DAB2IP: variants seen among roughly 807,000 people sequenced by gnomAD.
DAB2IP encodes disabled homolog 2-interacting protein.
In DAB2IP, 28 loss-of-function variants were observed where a neutral mutation model predicts 107.2. That is an observed-to-expected ratio of 0.26 (90% confidence interval 0.19 to 0.36). DAB2IP has a LOEUF of 0.36. Ranked by LOEUF, DAB2IP falls within the 10% of genes least tolerant of loss-of-function variation. The pLI is 1.00. For missense variants in DAB2IP, 1,400 were observed against 1,644.7 expected (o/e 0.85, Z 2.57); for synonymous variants, 755 against 706.4 (o/e 1.07, Z -1.09).
intron 5 of DAB2IP, among the ~76,000 whole-genome samples, chr9:121,759,437 C>A (rs1833727780): frequency 6.6e-6 from 1 of 152,224 alleles, no homozygotes; most frequent in African/African-American, 2.4e-5. Context: ...CCACTGTAAT[C>A]CCTGCTTCTG....
chr9:121,589,504 C>T (rs549438966), intron 1 of DAB2IP, among the ~76,000 whole-genome samples: 1 of 152,124 alleles, frequency 6.6e-6, no homozygotes, highest in African/African-American at 2.4e-5. Context: ...CCATTCCTGC[C>T]CCGCTCCCAA....
At chr9:121,742,212 G>T (rs1004489704) in intron 3 of DAB2IP, among the ~76,000 whole-genome samples, 5 of 152,162 alleles carry the variant, frequency 3.3e-5, no homozygotes, top group Admixed American at 1.3e-4. Flanking sequence ...TGGATCACCT[G>T]AGGTCAGGAA....
intron 2 of DAB2IP, among the ~76,000 whole-genome samples, chr9:121,683,103 C>T (rs936164185): frequency 1.2e-4 from 19 of 152,268 alleles, no homozygotes; most frequent in Admixed American, 3.9e-4. Context: ...GGAAGGGTGG[C>T]AGGCAGCAAG....
At chr9:121,580,649 G>A (rs1035924942) in intron 1 of DAB2IP, among the ~76,000 whole-genome samples, 4 of 151,794 alleles carry the variant, frequency 2.6e-5, no homozygotes, top group African/African-American at 9.7e-5. Flanking sequence ...TTCTGAGATG[G>A]AGTCTCGCTC....
chr9:121,618,361 AT>A lies in DAB2IP; in HGVS notation c.40+51134del, dbSNP rs531838670. 5.4e-3 allele frequency among the ~76,000 whole-genome samples: 810 copies of A among 151,382 alleles called. 5 individuals carry two copies. Among genetic ancestry groups the A allele is most frequent in the Non-Finnish European group, 9.4e-3 (634 of 67,632 alleles). On this transcript the variant is annotated intron_variant, in intron 1 of 16. Coordinates refer to the DAB2IP transcript ENST00000259371. The stretch of plus-strand genomic sequence containing the variant: ...GTGCATGTCATGAATGGTAAATTCA[AT>A]GGATTTTTTTTTTTTTGAGGCAGAG...
chr9:121,640,216 G>T (rs1443283252), intron 1 of DAB2IP, among the ~76,000 whole-genome samples: 1 of 152,144 alleles, frequency 6.6e-6, no homozygotes, highest in Non-Finnish European at 1.5e-5. Flanking sequence ...AGGGGGCAGC[G>T]CAGATCAGCA....
At chr9:121,668,771 G>C (rs187944317) in intron 1 of DAB2IP, among the ~76,000 whole-genome samples, 1 of 152,102 alleles carries the variant, frequency 6.6e-6, no homozygotes, top group African/African-American at 2.4e-5. Flanking sequence ...GAGAACGTCT[G>C]ATAACAAGTT....
chr9:121,602,005 C>A (rs989668280), intron 1 of DAB2IP, among the ~76,000 whole-genome samples: 1 of 152,012 alleles, frequency 6.6e-6, no homozygotes, highest in African/African-American at 2.4e-5. Flanking sequence ...ATCTCTACTC[C>A]AGGCCTGGGA....
exon 10 of DAB2IP, chr9:121,768,529 G>A: frequency 1.9e-6 from 3 of 1,614,188 alleles, no homozygotes; most frequent in Non-Finnish European, 1.7e-6. Flanking sequence ...CTCCAACCCC[G>A]AGACCCTCTC....
intron 6 of DAB2IP, among the ~76,000 whole-genome samples, chr9:121,761,029 C>G (rs1288158029): frequency 6.6e-6 from 1 of 152,196 alleles, no homozygotes; most frequent in Non-Finnish European, 1.5e-5. Flanking sequence ...CCCACCCAGG[C>G]AAGTCCTAGT....
intron 1 of DAB2IP, among the ~76,000 whole-genome samples, chr9:121,666,964 G>A (rs1310796644): frequency 4.0e-5 from 6 of 151,118 alleles, no homozygotes; most frequent in Middle Eastern, 3.4e-3. Context: ...ACAGCTCTTC[G>A]TCTGGAAAGT....
At chr9:121,753,259 G>C (rs1415017912) in intron 3 of DAB2IP, among the ~76,000 whole-genome samples, 1 of 152,140 alleles carries the variant, frequency 6.6e-6, no homozygotes, top group Non-Finnish European at 1.5e-5. Context: ...GTGATTTGCA[G>C]GGGTGGAATC....
At chr9:121,775,587 C>G (rs760637703) in intron 13 of DAB2IP, among the ~76,000 whole-genome samples, 14 of 152,222 alleles carry the variant, frequency 9.2e-5, no homozygotes, top group Admixed American at 1.3e-4. Flanking sequence ...GCTTCCCAGC[C>G]TCGTCCACAT....
intron 1 of DAB2IP, among the ~76,000 whole-genome samples, chr9:121,636,020 C>T (rs1434444604): frequency 6.6e-6 from 1 of 152,178 alleles, no homozygotes; most frequent in Admixed American, 6.5e-5. Context: ...TCTCGTGTCT[C>T]AGCCTCTTGA....
chr9:121,748,591 T>C (rs370451350), intron 3 of DAB2IP, among the ~76,000 whole-genome samples: 2 of 152,356 alleles, frequency 1.3e-5, no homozygotes, highest in East Asian at 1.9e-4. Flanking sequence ...TCTGGGGCAG[T>C]GCTGCCTTTT....
chr9:121,567,146 G>A (rs771999384), exon 1 of DAB2IP: 1 of 1,613,736 alleles, frequency 6.2e-7, no homozygotes, highest in Non-Finnish European at 8.5e-7. Flanking sequence ...GACAGCCTCG[G>A]TTCATAAATC....
At chr9:121,769,363 A>G (rs1350485948) in intron 10 of DAB2IP, among the ~76,000 whole-genome samples, 2 of 151,966 alleles carry the variant, frequency 1.3e-5, no homozygotes, top group Non-Finnish European at 1.5e-5. Flanking sequence ...GTAAGCGCAC[A>G]CACACATGCA....
chr9:121,707,269 A>G (rs549251338), intron 3 of DAB2IP, among the ~76,000 whole-genome samples: 2 of 152,216 alleles, frequency 1.3e-5, no homozygotes, highest in East Asian at 3.9e-4. Context: ...GCAGCCTGAG[A>G]CTGTACTTTT....
Position 121,759,879 on chromosome 9 carries a change from A to T in DAB2IP, c.616-6A>T. On this transcript the variant is annotated splice_polypyrimidine_tract_variant and splice_region_variant and intron_variant, in intron 5 of 15. Coordinates refer to ENST00000408936, the Ensembl canonical transcript of DAB2IP. ...CTGACCACCCTGGACCCCCGTGCAC[A>T]TACAGGACAACAGCCGGCGTGTGGA... 1 of 1,610,236 alleles carries T rather than the reference A, an allele frequency of 6.2e-7. No individual in the cohort carries two copies. The highest frequency in any genetic ancestry group is 8.5e-7 in the Non-Finnish European group (1 of 1,177,596).
Sources: gnomAD v4.1 joint callset for allele counts (sites outside exome capture counted in the v4.1 genomes callset) on GRCh38, gnomAD v4.1.1 for gene constraint, MANE v1.5 for transcripts, NCBI Gene and HGNC (gene_info 2026-07-23, HGNC 2026-07-21) for gene names.